MDN1: variants seen among roughly 807,000 people sequenced by gnomAD.
MDN1 encodes midasin.
MDN1 carries 266 observed loss-of-function variants against 669.2 expected under a neutral mutation model. The observed-to-expected ratio is 0.40, with a 90% confidence interval of 0.36 to 0.44. The LOEUF (loss-of-function observed/expected upper bound fraction) is 0.44, where lower values mean the gene tolerates loss of function less well. Ranked by LOEUF, MDN1 falls within the 20% of genes least tolerant of loss-of-function variation. The pLI, the probability that MDN1 is intolerant of heterozygous loss-of-function variation, is 1.00. For missense variants in MDN1, 5,940 were observed against 6,754.0 expected (o/e 0.88, Z 4.22); for synonymous variants, 2,385 against 2,457.1 (o/e 0.97, Z 0.87).
chr6:89,693,209 G>T, intron 62 of MDN1, 61 bp from the exon 63 acceptor site: 1 of 1,232,792 alleles, frequency 8.1e-7, no homozygotes, highest in Non-Finnish European at 1.1e-6. Flanking sequence ...AATCTAGATT[G>T]GATCCTCAGC....
chr6:89,715,906 C>G (rs1438675535), intron 44 of MDN1, 137 bp from the exon 45 acceptor site: 43 of 681,976 alleles, frequency 6.3e-5, no homozygotes, highest in Admixed American at 1.4e-4. Context: ...CAACAGTGAT[C>G]TCTTTCAAAA....
chr6:89,691,376 G>A (rs1433817262), intron 63 of MDN1, among the ~76,000 whole-genome samples: 1 of 152,144 alleles, frequency 6.6e-6, no homozygotes, highest in Non-Finnish European at 1.5e-5. Flanking sequence ...GAACCATCCG[G>A]TACTGCTGAG....
At position 89,664,525 on chromosome 6, in the gene MDN1, A is replaced by C. The variant is rs536383690; in HGVS notation, c.14198T>G (p.Phe4733Cys). The C allele has an allele frequency of 8.1e-6, 13 of 1,614,076 alleles. No individual in the cohort carries two copies. Among genetic ancestry groups the C allele is most frequent in the African/African-American group, 6.7e-5 (5 of 75,036 alleles). The change falls in exon 85 of 102, where the codon TTT (phenylalanine) becomes TGT (cysteine). Residue 4733 changes from phenylalanine (F) to cysteine (C), a missense_variant. Transcript: ENST00000369393. ...EDNAIEMSED[F>C]DGKMHDGELE... ...CTCCCCATCATGCATTTTCCCATCA[A>C]AATCTTCCGACATCTCAATGGCATT...
At chr6:89,750,688 G>C (rs1816890878) in intron 23 of MDN1, among the ~76,000 whole-genome samples, 156 bp from the exon 24 acceptor site, 1 of 152,000 alleles carries the variant, frequency 6.6e-6, no homozygotes, top group African/African-American at 2.4e-5. Flanking sequence ...CTGCAGCCTC[G>C]ACCTCCCAGG....
At chr6:89,646,774 C>T (rs1449566141) in intron 99 of MDN1, among the ~76,000 whole-genome samples, 171 bp from the exon 100 acceptor site, 1 of 152,080 alleles carries the variant, frequency 6.6e-6, no homozygotes, top group Non-Finnish European at 1.5e-5. Context: ...AAAGGAGGAT[C>T]CTTGGATACA....
intron 17 of MDN1, among the ~76,000 whole-genome samples, chr6:89,760,793 T>C (rs898647569): frequency 6.6e-6 from 1 of 152,078 alleles, no homozygotes. Flanking sequence ...TCTAAAACAA[T>C]GGAACTCAAA....
In MDN1 at chr6:89,676,967, C is replaced by T. The variant is rs1175596990; in HGVS notation, c.12539+603G>A. The stretch of plus-strand genomic sequence containing the variant: ...AAATATACCATTTTCTAATAGGTTT[C>T]CACATGTATGATCAAATGAAGCAAG... On this transcript the variant is annotated intron_variant, in intron 76 of 101. Transcript: ENST00000369393. Among the ~76,000 whole-genome samples the T allele has an allele frequency of 2.1e-5, 3 of 142,882 alleles. No individual in the cohort carries two copies. The Admixed American group carries it at 2.2e-4, about 10-fold the overall frequency. The allele number at this position is 142,882 out of a possible 152,430, so 93.7% of individuals were successfully genotyped here.
At chr6:89,676,422 G>A (rs1811194256) in intron 76 of MDN1, among the ~76,000 whole-genome samples, 1 of 152,186 alleles carries the variant, frequency 6.6e-6, no homozygotes, top group East Asian at 1.9e-4. Flanking sequence ...TGACAACATG[G>A]TTTCTTCAAT....
In MDN1 at chr6:89,718,954, G is replaced by A. The variant is rs777062868; in HGVS notation, c.6134C>T (p.Ser2045Leu). The change falls in exon 42 of 102, where the codon TCA becomes TTA. Residue 2045 changes from serine to leucine, a missense_variant. Physicochemically the swap from Ser to Leu is moderately radical, Grantham distance 145. Transcript: ENST00000369393. ...SRHPLLLLHQ[S>L]FQPLESIMKC... Reference sequence around the variant, plus strand: ...CATGATTGACTCCAGGGGTTGGAATGACTGGTGCAGGAGCAACAGGGGATG... The same window carrying A: ...CATGATTGACTCCAGGGGTTGGAATAACTGGTGCAGGAGCAACAGGGGATG... The A allele has an allele frequency of 1.2e-6, 2 of 1,614,070 alleles. No individual in the cohort carries two copies. The highest frequency in any genetic ancestry group is 1.3e-5 in the African/African-American group (1 of 74,932).
At position 89,803,479 on chromosome 6, in the gene MDN1, G is replaced by T. The variant is rs770240076; in HGVS notation, c.178C>A (p.Leu60Met). Residue 60 changes from leucine (L) to methionine (M), a missense_variant, in exon 2 of 102, where the codon CTG (leucine) becomes ATG (methionine). Leu to Met is a conservative substitution (Grantham distance 15). Around this residue, in one of 5 missense-constraint regions of MDN1, gnomAD observed 1,203 missense variants for 1,268.9 expected, o/e 0.95. Transcript: ENST00000369393. ...AGAGGGCGAAGCTGGCGACCAACCAGCACAGTACAGTCCTTATCCAAAAGC... is the reference window on the plus strand; with the variant it reads ...AGAGGGCGAAGCTGGCGACCAACCATCACAGTACAGTCCTTATCCAAAAGC... ...QLLLDKDCTV[L>M]VGRQLRPLLL... 1.9e-6 allele frequency: 3 copies of T among 1,614,076 alleles called. No individual in the cohort carries two copies. In the Admixed American group the frequency reaches 5.0e-5, roughly 27 times the overall value.
chr6:89,718,433 G>A lies in MDN1; in HGVS notation c.6516C>T (p.Asn2172=), dbSNP rs1413067754. Residue 2172 remains asparagine, a synonymous_variant, in exon 43 of 102, where the codon AAC becomes AAT. Coordinates refer to ENST00000369393, the MANE Select transcript of MDN1 (RefSeq NM_014611.3). ...TAAGCAATAACACTGCTTCTAGTTT[G>A]TTGACAATCTCCATCGTGATAGCTT... ...GGKAITMEIV[N]KLEAVLLLMQ... is the part of the protein sequence containing the mutation. 2.5e-6 allele frequency: 4 copies of A among 1,613,950 alleles called. No individual in the cohort carries two copies. Among genetic ancestry groups the A allele is most frequent in the Non-Finnish European group, 2.5e-6 (3 of 1,180,002 alleles).
rs1176096875 is a variant in MDN1, at chr6:89,687,101, T to G, written c.11451-78A>C. The G allele has an allele frequency of 3.2e-5, 51 of 1,571,056 alleles. 1 individual carries two copies. Among genetic ancestry groups the G allele is most frequent in the African/African-American group, 5.5e-5 (4 of 73,276 alleles). On this transcript the variant is annotated intron_variant, in intron 68 of 101. Transcript: ENST00000369393. ...TGAAACCAAAGATGCAGAAGCTACA[T>G]GCTCACATTTCTCTCCTCCCAAATG...
chr6:89,718,946 G>C lies in MDN1; in HGVS notation c.6142C>G (p.Pro2048Ala), dbSNP rs145876156. ...PLLLLHQSFQ[P>A]LESIMKCVQM... ...ACACACTTCATGATTGACTCCAGGG[G>C]TTGGAATGACTGGTGCAGGAGCAAC... Residue 2048 changes from proline (P) to alanine (A), a missense_variant, in exon 42 of 102, where the codon CCC becomes GCC. Pro to Ala is a conservative substitution (Grantham distance 27). Coordinates refer to ENST00000369393, the MANE Select transcript of MDN1 (RefSeq NM_014611.3). The C allele has an allele frequency of 4.7e-4, 764 of 1,614,068 alleles. No individual in the cohort carries two copies. Among genetic ancestry groups the C allele is most frequent in the Non-Finnish European group, 6.2e-4 (734 of 1,180,044 alleles).
chr6:89,738,251 T>A, intron 33 of MDN1, 75 bp downstream of exon 33: 1 of 1,540,832 alleles, frequency 6.5e-7, no homozygotes, highest in Non-Finnish European at 8.9e-7. Context: ...GCTGATGTCC[T>A]GTAAGAGATC....
chr6:89,819,680 T>C lies in MDN1; in HGVS notation c.-73A>G. The C allele has an allele frequency of 7.8e-7, 1 of 1,287,200 alleles. No homozygotes were observed. Among genetic ancestry groups the C allele is most frequent in the Admixed American group, 1.7e-5 (1 of 58,112 alleles). The allele number at this position is 1,287,200 out of a possible 1,614,324, so 79.7% of individuals were successfully genotyped here. A position where few individuals can be genotyped will look rare whatever the true frequency, so the allele number is the denominator to read the frequency against. On this transcript the variant is annotated 5_prime_UTR_variant, in exon 1 of 102. Transcript: ENST00000369393. ...GGCCAGCGTCCCCAAGCCGCCGAGG[T>C]CCCAGTGCCCGAGCAGCCAGCAACT...
At chr6:89,706,825 G>GTTTC (rs1399460425) in intron 52 of MDN1, among the ~76,000 whole-genome samples, 36 of 152,024 alleles carry the variant, frequency 2.4e-4, no homozygotes, top group African/African-American at 8.2e-4. Flanking sequence ...AATACCAATA[G>GTTTC]ATATGAGAAA....
At chr6:89,735,685 C>T (rs1815926232) in intron 33 of MDN1, among the ~76,000 whole-genome samples, 2 of 152,014 alleles carry the variant, frequency 1.3e-5, no homozygotes. Context: ...ATAAGTACTA[C>T]AATTAGGATC....
Position 89,756,410 on chromosome 6 carries a change from A to G in MDN1, c.2703-20T>C. On this transcript the variant is annotated intron_variant, in intron 19 of 101. Coordinates refer to ENST00000369393, the MANE Select transcript of MDN1 (RefSeq NM_014611.3). ...GTGAACCTGTAAAACAATACATAAT[A>G]AACACTTTTTAGGAAGTTAATATAA... 1 of 1,215,648 alleles carries G rather than the reference A, an allele frequency of 8.2e-7. No individual in the cohort carries two copies. Among genetic ancestry groups the G allele is most frequent in the Non-Finnish European group, 1.2e-6 (1 of 846,004 alleles). The allele number at this position is 1,215,648 out of a possible 1,614,324, so 75.3% of individuals were successfully genotyped here. A position where few individuals can be genotyped will look rare whatever the true frequency, so the allele number is the denominator to read the frequency against.
At chr6:89,675,393 C>T in intron 78 of MDN1, 71 bp downstream of exon 78, 1 of 1,297,804 alleles carries the variant, frequency 7.7e-7, no homozygotes, top group Non-Finnish European at 1.1e-6. Flanking sequence ...TCCCCACATG[C>T]AGCAACTCTG....
Sources: gnomAD v4.1 joint callset for allele counts (sites outside exome capture counted in the v4.1 genomes callset) on GRCh38, gnomAD v4.1.1 for gene constraint, gnomAD v4.1.1 regional missense constraint, MANE v1.5 for transcripts, NCBI Gene and HGNC (gene_info 2026-07-23, HGNC 2026-07-21) for gene names.